The following DOCK4 variants were observed in gnomAD, a reference collection of about 807,000 sequenced individuals.
DOCK4 encodes dedicator of cytokinesis protein 4.
In DOCK4, 97 loss-of-function variants were observed where a neutral mutation model predicts 268.1. That is an observed-to-expected ratio of 0.36 (90% confidence interval 0.31 to 0.43). DOCK4 has a LOEUF of 0.43. Ranked by LOEUF, DOCK4 falls within the 20% of genes least tolerant of loss-of-function variation. The pLI, the probability that DOCK4 is intolerant of heterozygous loss-of-function variation, is 1.00. For missense variants in DOCK4, 2,145 were observed against 2,455.7 expected, an observed-to-expected ratio of 0.87 and a Z score of 2.67; for synonymous variants, 954 against 887.2, an observed-to-expected ratio of 1.08 and a Z score of -1.34.
rs1194348545 is a variant in DOCK4 at position 111,863,367 on chromosome 7, C to T, written c.2473+5G>A. 1.2e-6 allele frequency: 2 copies of T among 1,613,930 alleles called. No homozygotes were observed. Among genetic ancestry groups the T allele is most frequent in the Non-Finnish European group, 1.7e-6 (2 of 1,179,872 alleles). On this transcript the variant is annotated splice_donor_5th_base_variant and intron_variant, in intron 23 of 52. Coordinates refer to ENST00000428084, the MANE Select transcript of DOCK4 (RefSeq NM_001363540.2). ...GCACAATTTCCTCCAAGAGACTCAC[C>T]CTACCTGGGTTGGTATAAAGCTGGC...
intron 20 of DOCK4, 57 bp from the exon 21 acceptor site, chr7:111,869,712 G>T: frequency 6.8e-7 from 1 of 1,463,442 alleles, no homozygotes; most frequent in Non-Finnish European, 9.5e-7. Context: ...TCAATTAAAT[G>T]CCAACAAATC....
chr7:111,817,496 C>T (rs1324154233), intron 27 of DOCK4, among the ~76,000 whole-genome samples: 1 of 152,138 alleles, frequency 6.6e-6, no homozygotes. Flanking sequence ...CGGGAAGCTT[C>T]CCTCCTTGAG....
intron 1 of DOCK4, among the ~76,000 whole-genome samples, chr7:112,018,533 C>T (rs1436990500): frequency 6.6e-6 from 1 of 152,170 alleles, no homozygotes; most frequent in Non-Finnish European, 1.5e-5. Flanking sequence ...ATTTTATAAG[C>T]TAATGAAATT....
intron 25 of DOCK4, among the ~76,000 whole-genome samples, chr7:111,843,689 C>T (rs1387532365): frequency 1.3e-5 from 2 of 152,022 alleles, no homozygotes; most frequent in Non-Finnish European, 2.9e-5. Flanking sequence ...TAAATAGATA[C>T]ACATATATAA....
intron 36 of DOCK4, among the ~76,000 whole-genome samples, chr7:111,771,332 A>G (rs987429813): frequency 4.6e-5 from 7 of 152,186 alleles, no homozygotes; most frequent in Admixed American, 4.6e-4. Context: ...CCCATTATCC[A>G]CTTTCCAGGA....
chr7:111,741,194 A>G lies in DOCK4; in HGVS notation c.4940T>C (p.Val1647Ala). 6.2e-7 allele frequency: 1 copy of G among 1,613,958 alleles called. No homozygotes were observed. The highest frequency in any genetic ancestry group is 8.5e-7 in the Non-Finnish European group (1 of 1,179,876). ...CAGTGAGGAGGAAGAATATCGGTTG[A>G]CAGCTGGGTAACTTAACGGGCTGTT... is the stretch of plus-strand genomic sequence containing the variant. ...PRRSPLSYPAVNRYSSSSLSS... is the reference protein window; with the variant it reads ...PRRSPLSYPAANRYSSSSLSS... Residue 1647 changes from valine to alanine, a missense_variant, in exon 47 of 53, where the codon GTC becomes GCC. Physicochemically the swap from Val to Ala is moderately conservative, Grantham distance 64. Transcript: ENST00000428084.
intron 32 of DOCK4, among the ~76,000 whole-genome samples, chr7:111,787,904 A>G (rs1011840180): frequency 1.3e-5 from 2 of 152,254 alleles, no homozygotes. Flanking sequence ...AAAATGACTA[A>G]GATCCATAGG....
chr7:111,828,967 T>C (rs560085365), intron 26 of DOCK4, among the ~76,000 whole-genome samples: 119 of 151,596 alleles, frequency 7.8e-4, no homozygotes, highest in African/African-American at 2.8e-3. Context: ...TAACAGCAGC[T>C]ACCTCTGGGG....
chr7:112,140,258 ACT>A (rs1395209982), intron 1 of DOCK4, among the ~76,000 whole-genome samples: 1 of 152,124 alleles, frequency 6.6e-6, no homozygotes. Context: ...AGAATGGGAA[ACT>A]CTGAAACGTG....
At chr7:111,762,365 T>C (rs1199061934) in intron 39 of DOCK4, among the ~76,000 whole-genome samples, 2 of 152,240 alleles carry the variant, frequency 1.3e-5, no homozygotes. Context: ...TCATTAGCAG[T>C]TACTTCCTAT....
At chr7:111,786,992 T>C (rs1018619639) in intron 32 of DOCK4, among the ~76,000 whole-genome samples, 1 of 152,176 alleles carries the variant, frequency 6.6e-6, no homozygotes, top group Non-Finnish European at 1.5e-5. Flanking sequence ...TATAAAAATC[T>C]CTATTGAATG....
chr7:112,161,459 C>T (rs1817121947), intron 1 of DOCK4, among the ~76,000 whole-genome samples: 1 of 152,160 alleles, frequency 6.6e-6, no homozygotes, highest in African/African-American at 2.4e-5. Context: ...GCTACACTTC[C>T]TATAAATTTT....
At chr7:112,056,958 A>G (rs1805869956) in intron 1 of DOCK4, among the ~76,000 whole-genome samples, 1 of 152,190 alleles carries the variant, frequency 6.6e-6, no homozygotes, top group African/African-American at 2.4e-5. Flanking sequence ...TCAGCTATTA[A>G]AATATCAAAA....
chr7:112,203,974 A>G (rs1018826058), intron 1 of DOCK4, among the ~76,000 whole-genome samples: 1 of 152,198 alleles, frequency 6.6e-6, no homozygotes, highest in South Asian at 2.1e-4. Flanking sequence ...ATTGAGAACA[A>G]CAGCAGTAAT....
At chr7:111,995,323 G>A (rs1021832886) in intron 4 of DOCK4, among the ~76,000 whole-genome samples, 1 of 151,976 alleles carries the variant, frequency 6.6e-6, no homozygotes, top group East Asian at 1.9e-4. Flanking sequence ...GAGCCACCGC[G>A]CCTGGCTGAG....
At chr7:111,860,649 C>T (rs1050263320) in intron 23 of DOCK4, among the ~76,000 whole-genome samples, 4 of 152,312 alleles carry the variant, frequency 2.6e-5, no homozygotes, top group African/African-American at 4.8e-5. Flanking sequence ...AGCTTCCCTA[C>T]GCTGGCCCTG....
At chr7:111,939,312 G>A (rs1157108589) in intron 11 of DOCK4, among the ~76,000 whole-genome samples, 2 of 151,974 alleles carry the variant, frequency 1.3e-5, no homozygotes, top group Non-Finnish European at 2.9e-5. Context: ...TCAGGAGATT[G>A]AGACCAGCCT....
rs188636129 is a variant in DOCK4, at chr7:112,082,838, T to C, written c.38-78707A>G. ...ATTCATGTATCTGAAAAATATATAA[T>C]TTTTTAAACTTGGTAAAATCCTACC... On this transcript the variant is annotated intron_variant, in intron 1 of 52. Coordinates refer to ENST00000428084, the MANE Select transcript of DOCK4 (RefSeq NM_001363540.2). Among the ~76,000 whole-genome samples the C allele has an allele frequency of 1.9e-3, 282 of 152,266 alleles. 1 individual carries two copies. Among genetic ancestry groups the C allele is most frequent in the African/African-American group, 6.5e-3 (270 of 41,566 alleles).
chr7:111,955,091 C>T (rs1041265193), intron 8 of DOCK4, among the ~76,000 whole-genome samples: 6 of 152,174 alleles, frequency 3.9e-5, no homozygotes, highest in East Asian at 1.9e-4. Context: ...AGGCAATGTA[C>T]GCCTGGTATC....
Sources: allele counts gnomAD v4.1 joint callset (sites outside exome capture counted in the v4.1 genomes callset), GRCh38; gene constraint gnomAD v4.1.1; transcripts MANE v1.5; gene names NCBI Gene and HGNC (gene_info 2026-07-23, HGNC 2026-07-21).